POM121: variants seen among roughly 807,000 people sequenced by gnomAD.
The protein encoded by POM121 is POM121 transmembrane nucleoporin.
A neutral mutation model predicts 81.3 loss-of-function variants in POM121; 32 were observed. The ratio of observed to expected loss-of-function variants is 0.39; its 90% CI spans 0.30 to 0.53. The LOEUF (loss-of-function observed/expected upper bound fraction) is 0.53, where lower values mean the gene tolerates loss of function less well. Among genes scored for constraint, POM121 ranks in the 20% least tolerant of loss-of-function variants. The pLI is 0.66. For synonymous variants in POM121, 514 were observed against 694.2 expected (o/e 0.74, Z 4.08); for missense variants, 1,138 against 1,614.6 (o/e 0.70, Z 5.06).
downstream of POM121, chr7:72,949,942 A>G: frequency 6.2e-6 from 10 of 1,612,428 alleles, no homozygotes; most frequent in Non-Finnish European, 8.5e-6. Flanking sequence ...GTCCAGCAGC[A>G]TGGCTGGGAG....
chr7:72,914,553 C>A (rs1427622107), intron 4 of POM121, among the ~76,000 whole-genome samples: 3 of 149,852 alleles, frequency 2.0e-5, no homozygotes, highest in African/African-American at 4.9e-5. Context: ...TAGGGTCTCG[C>A]TGTAGAGATA....
chr7:72,919,675 T>G (rs572908284), intron 4 of POM121, among the ~76,000 whole-genome samples: 1 of 152,202 alleles, frequency 6.6e-6, no homozygotes, highest in South Asian at 2.1e-4. Flanking sequence ...AGAGACAGGT[T>G]CTTACTATGT....
At chr7:72,895,668 C>G (rs1183725447) in intron 3 of POM121, among the ~76,000 whole-genome samples, 2 of 152,022 alleles carry the variant, frequency 1.3e-5, no homozygotes, top group Non-Finnish European at 2.9e-5. Context: ...ACCTGTAATC[C>G]CAGCACTGTG....
chr7:72,896,189 A>G (rs1290871480), intron 3 of POM121, among the ~76,000 whole-genome samples: 3 of 151,666 alleles, frequency 2.0e-5, no homozygotes, highest in Non-Finnish European at 4.4e-5. Context: ...GTTTAAAAAT[A>G]TATATATATG....
At position 72,946,166 on chromosome 7, in the gene POM121, G is replaced by A; in HGVS notation, c.3682G>A (p.Ala1228Thr). 3 of 1,611,704 alleles carry A rather than the reference G, an allele frequency of 1.9e-6. No homozygotes were observed. Among genetic ancestry groups the A allele is most frequent in the Non-Finnish European group, 2.5e-6 (3 of 1,179,754 alleles). The change falls in exon 13 of 13, where the codon GCG becomes ACG. Residue 1228 changes from alanine to threonine, a missense_variant. Around this residue, in one of 7 missense-constraint regions of POM121, gnomAD observed 336 missense variants for 344.3 expected, o/e 0.98. Coordinates refer to ENST00000434423, the MANE Select transcript of POM121 (RefSeq NM_001387691.1). ...GSAALSFSIG[A>T]GSKTPGARQR... ...GGCGGCCCTTTCATTTTCCATTGGTGCGGGATCCAAGACCCCAGGGGCTCG... is the reference window on the plus strand; with the variant it reads ...GGCGGCCCTTTCATTTTCCATTGGTACGGGATCCAAGACCCCAGGGGCTCG...
chr7:72,919,231 A>G, intron 4 of POM121, among the ~76,000 whole-genome samples: 1 of 106,438 alleles, frequency 9.4e-6, no homozygotes, highest in Non-Finnish European at 1.9e-5. Context: ...TTTTTTTAAT[A>G]TGTTTCTGTT....
upstream of POM121, among the ~76,000 whole-genome samples, chr7:72,922,697 C>A (rs1439053222): frequency 6.6e-6 from 1 of 151,994 alleles, no homozygotes; most frequent in African/African-American, 2.4e-5. Context: ...CCCAGAAGTG[C>A]TAACTTTTAA....
chr7:72,926,416 G>T lies in POM121; in HGVS notation c.799G>T (p.Val267Leu), dbSNP rs1795450817. ...AVLSPRNSRM[V>L]CSPVTVRIAP... ...GCTGTCCCCTCGCAACTCCAGGATG[G>T]TGTGTAGCCCAGTGACTGTGAGGAT... The change falls in exon 2 of 13, where the codon GTG (valine) becomes TTG (leucine). Residue 267 changes from valine (V) to leucine (L), a missense_variant. Transcript: ENST00000434423. The T allele has an allele frequency of 6.2e-7, 1 of 1,614,014 alleles. No individual in the cohort carries two copies. The highest frequency in any genetic ancestry group is 8.5e-7 in the Non-Finnish European group (1 of 1,179,876).
At chr7:72,890,717 G>A in exon 2 of POM121, 1 of 1,602,112 alleles carries the variant, frequency 6.2e-7, no homozygotes, top group Non-Finnish European at 8.5e-7. Context: ...ATACGGGGAT[G>A]TGATGTTGGA....
intron 5 of POM121, among the ~76,000 whole-genome samples, chr7:72,935,750 A>T (rs1796449736): frequency 2.6e-5 from 4 of 151,152 alleles, no homozygotes; most frequent in Admixed American, 2.6e-4. Context: ...CAAAGTGCTG[A>T]GATTACAGGC....
intron 1 of POM121, among the ~76,000 whole-genome samples, chr7:72,890,060 G>A (rs1791149322): frequency 2.0e-5 from 3 of 151,952 alleles, no homozygotes; most frequent in Admixed American, 6.6e-5. Context: ...TTCATTTAAC[G>A]AATATTTATT....
chr7:72,938,892 C>T, intron 6 of POM121, among the ~76,000 whole-genome samples: 1 of 152,184 alleles, frequency 6.6e-6, no homozygotes, highest in Non-Finnish European at 1.5e-5. Flanking sequence ...CTGGCTGTCG[C>T]CTCCCACTCC....
intron 1 of POM121, among the ~76,000 whole-genome samples, chr7:72,881,152 C>T (rs1452762002): frequency 3.0e-4 from 45 of 150,848 alleles, no homozygotes; most frequent in African/African-American, 9.7e-4. Flanking sequence ...GCAACTTCCA[C>T]CTCCCAGGTT....
intron 1 of POM121, among the ~76,000 whole-genome samples, chr7:72,881,101 C>T (rs1363908252): frequency 5.4e-5 from 7 of 129,424 alleles, no homozygotes; most frequent in Admixed American, 1.7e-4. Context: ...GACAGTGTCT[C>T]TCACCCAGTC....
At position 72,928,366 on chromosome 7, in the gene POM121, C is replaced by G; in HGVS notation, c.1023-19C>G. The G allele has an allele frequency of 6.2e-7, 1 of 1,614,104 alleles. No individual in the cohort carries two copies. Among genetic ancestry groups the G allele is most frequent in the Non-Finnish European group, 8.5e-7 (1 of 1,179,992 alleles). On this transcript the variant is annotated intron_variant, in intron 3 of 12. Coordinates refer to ENST00000434423, the MANE Select transcript of POM121 (RefSeq NM_001387691.1). ...AAAAAGTCATGTCATTTCATTGAGA[C>G]TTTTTTGATTTGTCGCAGGCGCCAT...
intron 5 of POM121, among the ~76,000 whole-genome samples, chr7:72,935,936 A>T (rs1796468145): frequency 6.6e-6 from 1 of 152,034 alleles, no homozygotes; most frequent in Non-Finnish European, 1.5e-5. Flanking sequence ...TAGTACATAC[A>T]CTCAGGTCTA....
At chr7:72,912,986 G>A (rs1365336557) in intron 3 of POM121, among the ~76,000 whole-genome samples, 1 of 152,068 alleles carries the variant, frequency 6.6e-6, no homozygotes, top group Non-Finnish European at 1.5e-5. Flanking sequence ...TCATCATCAG[G>A]TCCCTACTTA....
At chr7:72,943,858 C>G (rs1173614172) in intron 11 of POM121, among the ~76,000 whole-genome samples, 1 of 152,154 alleles carries the variant, frequency 6.6e-6, no homozygotes, top group South Asian at 2.1e-4. Flanking sequence ...GACAACTTGG[C>G]GAAACCCTGT....
chr7:72,912,513 A>G (rs1267167185), intron 3 of POM121, among the ~76,000 whole-genome samples: 3 of 152,214 alleles, frequency 2.0e-5, no homozygotes, highest in African/African-American at 7.2e-5. Flanking sequence ...GTGGTGGCTC[A>G]CACCTGTAAT....
Sources: allele counts gnomAD v4.1 joint callset (sites outside exome capture counted in the v4.1 genomes callset), GRCh38; gene constraint gnomAD v4.1.1; regional missense constraint gnomAD v4.1.1; transcripts MANE v1.5; gene names NCBI Gene and HGNC (gene_info 2026-07-23, HGNC 2026-07-21).